The following SPAG16 variants were observed in gnomAD, a reference collection of about 807,000 sequenced individuals.
SPAG16 encodes the protein sperm-associated antigen 16 protein.
In SPAG16, 86 loss-of-function variants were observed where a neutral mutation model predicts 80.4. The ratio of observed to expected loss-of-function variants is 1.07; its 90% CI spans 0.90 to 1.28. The LOEUF (loss-of-function observed/expected upper bound fraction) is 1.28, where lower values mean the gene tolerates loss of function less well. Among genes scored for constraint, SPAG16 ranks in the 50% most tolerant of loss-of-function variants. The pLI, the probability that SPAG16 is intolerant of heterozygous loss-of-function variation, is 0.00. For missense variants in SPAG16, 870 were observed against 765.3 expected (o/e 1.14, Z -1.61); for synonymous variants, 294 against 265.9 (o/e 1.11, Z -1.03).
intron 10 of SPAG16, among the ~76,000 whole-genome samples, chr2:213,505,233 G>A (rs2074919994): frequency 2.0e-5 from 3 of 152,080 alleles, no homozygotes; most frequent in African/African-American, 4.8e-5. Context: ...TGGATAGGGG[G>A]TATCAATTTC....
intron 11 of SPAG16, among the ~76,000 whole-genome samples, chr2:213,925,634 G>T (rs991072419): frequency 6.6e-6 from 1 of 152,168 alleles, no homozygotes; most frequent in African/African-American, 2.4e-5. Flanking sequence ...TTACAGACAT[G>T]GGCCTCTATG....
intron 15 of SPAG16, among the ~76,000 whole-genome samples, chr2:214,270,703 ATT>A (rs1691926581): frequency 6.6e-6 from 1 of 152,070 alleles, no homozygotes. Flanking sequence ...CATATGCTTG[ATT>A]AGTCCCGTGG....
At chr2:213,381,080 G>GC (rs2067147528) in intron 9 of SPAG16, among the ~76,000 whole-genome samples, 1 of 44,150 alleles carries the variant, frequency 2.3e-5, no homozygotes, top group African/African-American at 6.3e-5. Flanking sequence ...AATCCACTGG[G>GC]CTTACCGTAA....
intron 15 of SPAG16, among the ~76,000 whole-genome samples, chr2:214,224,917 T>C (rs1018307041): frequency 1.3e-5 from 2 of 152,094 alleles, no homozygotes; most frequent in South Asian, 4.1e-4. Context: ...TAGAGTCAAA[T>C]AATAGGGAAA....
At chr2:214,260,626 A>G (rs1205625661) in intron 15 of SPAG16, among the ~76,000 whole-genome samples, 1 of 152,066 alleles carries the variant, frequency 6.6e-6, no homozygotes, top group Admixed American at 6.6e-5. Flanking sequence ...TCTCTCTCTC[A>G]GCTAACTCCT....
intron 15 of SPAG16, among the ~76,000 whole-genome samples, chr2:214,267,749 A>G (rs1404164828): frequency 3.3e-5 from 5 of 151,920 alleles, no homozygotes; most frequent in Non-Finnish European, 5.9e-5. Context: ...TATAGATTCA[A>G]TGCAATATCT....
At chr2:213,869,158 C>G (rs2075829085) in intron 11 of SPAG16, among the ~76,000 whole-genome samples, 1 of 150,054 alleles carries the variant, frequency 6.7e-6, no homozygotes, top group Non-Finnish European at 1.5e-5. Flanking sequence ...GAGGCTGAGA[C>G]AGGAGAATCA....
At chr2:213,940,756 C>G (rs1464799893) in intron 12 of SPAG16, among the ~76,000 whole-genome samples, 3 of 152,166 alleles carry the variant, frequency 2.0e-5, no homozygotes. Flanking sequence ...TGTTCCTAAT[C>G]TTTATGAATT....
intron 10 of SPAG16, among the ~76,000 whole-genome samples, chr2:213,826,945 G>C (rs2073340632): frequency 6.6e-6 from 1 of 151,640 alleles, no homozygotes; most frequent in Non-Finnish European, 1.5e-5. Flanking sequence ...TCATCATACT[G>C]AATTGATCCC....
intron 13 of SPAG16, among the ~76,000 whole-genome samples, chr2:214,053,497 C>A (rs2049771691): frequency 6.6e-6 from 1 of 152,088 alleles, no homozygotes; most frequent in Non-Finnish European, 1.5e-5. Flanking sequence ...TGTAGTCTCA[C>A]TGCTTTTTAT....
intron 10 of SPAG16, among the ~76,000 whole-genome samples, chr2:213,740,837 C>A (rs570803751): frequency 6.6e-6 from 1 of 152,252 alleles, no homozygotes; most frequent in African/African-American, 2.4e-5. Context: ...TACTTGGAAC[C>A]CATTTCACTA....
chr2:213,700,741 C>G lies in SPAG16; in HGVS notation c.1071-161744C>G, dbSNP rs968999692. On this transcript the variant is annotated intron_variant, in intron 10 of 15. Transcript: ENST00000331683. ...ATTCATTGATAAGAATTCAATTAAT[C>G]TATACAAAGGTCCCTTTCATTACCT... Among the ~76,000 whole-genome samples, 5 of 152,292 alleles carry G rather than the reference C, an allele frequency of 3.3e-5. No individual in the cohort carries two copies. In the South Asian group the frequency reaches 1.0e-3, roughly 32 times the overall value.
intron 10 of SPAG16, among the ~76,000 whole-genome samples, chr2:213,577,424 C>T (rs1015653853): frequency 6.6e-6 from 1 of 152,078 alleles, no homozygotes; most frequent in Admixed American, 6.6e-5. Context: ...GATAGCTGCT[C>T]TTGCTCAGGT....
intron 9 of SPAG16, among the ~76,000 whole-genome samples, chr2:213,417,780 T>C (rs1447805509): frequency 1.3e-5 from 2 of 152,166 alleles, no homozygotes; most frequent in Non-Finnish European, 1.5e-5. Flanking sequence ...TTTATATGAG[T>C]AAATGTATAT....
At chr2:213,898,627 T>G (rs925024092) in intron 11 of SPAG16, among the ~76,000 whole-genome samples, 2 of 152,200 alleles carry the variant, frequency 1.3e-5, no homozygotes, top group African/African-American at 4.8e-5. Context: ...GACTTGGTTA[T>G]GCATGCATTG....
intron 10 of SPAG16, among the ~76,000 whole-genome samples, chr2:213,596,625 T>C (rs191233541): frequency 9.1e-4 from 139 of 152,288 alleles, no homozygotes; most frequent in Admixed American, 3.3e-3. Context: ...GGGGAAATTA[T>C]AGTAAATTAA....
At position 213,791,010 on chromosome 2, in the gene SPAG16, C is replaced by T. The variant is rs189765233; in HGVS notation, c.1071-71475C>T. Among the ~76,000 whole-genome samples, 18 of 152,062 alleles carry T rather than the reference C, an allele frequency of 1.2e-4. No individual in the cohort carries two copies. The East Asian group carries it at 2.3e-3, about 20-fold the overall frequency. Reference sequence around the variant, plus strand: ...CACATAAGTATCCACTGAGAAATCCCTGGTGGTTTAATTATCACTGATTTT... The same window carrying T: ...CACATAAGTATCCACTGAGAAATCCTTGGTGGTTTAATTATCACTGATTTT... On this transcript the variant is annotated intron_variant, in intron 10 of 15. Coordinates refer to ENST00000331683, the MANE Select transcript of SPAG16 (RefSeq NM_024532.5).
intron 3 of SPAG16, among the ~76,000 whole-genome samples, chr2:213,309,650 T>C (rs1381540149): frequency 2.6e-5 from 4 of 152,014 alleles, no homozygotes; most frequent in African/African-American, 9.7e-5. Flanking sequence ...TGCCTCTTTG[T>C]CTAGATTTAT....
At chr2:213,671,609 C>T (rs114354051) in intron 10 of SPAG16, among the ~76,000 whole-genome samples, 1,976 of 152,308 alleles carry the variant, frequency 0.013, 19 homozygotes, top group South Asian at 0.037. Context: ...TCAACTATTG[C>T]TCTAAATAAC....
Sources: allele counts gnomAD v4.1 joint callset (sites outside exome capture counted in the v4.1 genomes callset), GRCh38; gene constraint gnomAD v4.1.1; transcripts MANE v1.5; gene names NCBI Gene and HGNC (gene_info 2026-07-23, HGNC 2026-07-21).